The following DCAF8L2 variants were observed in gnomAD, a reference collection of about 807,000 sequenced individuals.
DCAF8L2 encodes DDB1- and CUL4-associated factor 8-like protein 2.
For synonymous variants in DCAF8L2, 200 were observed against 190.9 expected (o/e 1.05, Z -0.39); for missense variants, 430 against 490.7 (o/e 0.88, Z 1.17).
intron 3 of DCAF8L2, among the ~76,000 whole-genome samples, chrX:27,706,783 G>A (rs752342763): frequency 9.0e-6 from 1 of 111,532 alleles, no homozygotes; most frequent in East Asian, 2.8e-4. Flanking sequence ...CCTTATTTAT[G>A]TATCCAAGAA....
At chrX:27,523,335 T>C in the DCAF8L2 span, among the ~76,000 whole-genome samples, 8 of 110,742 alleles carry the variant, frequency 7.2e-5, no homozygotes, top group African/African-American at 2.6e-4. Flanking sequence ...TGCTTACAAA[T>C]TAATATACAA....
chrX:27,728,372 T>C (rs187216904), intron 4 of DCAF8L2, among the ~76,000 whole-genome samples: 30 of 111,098 alleles, frequency 2.7e-4, no homozygotes, highest in Non-Finnish European at 5.1e-4. Context: ...GCTTGGAATC[T>C]CCTTTGGACC....
At chrX:27,737,632 C>T (rs542447334) in intron 4 of DCAF8L2, among the ~76,000 whole-genome samples, 1 of 111,392 alleles carries the variant, frequency 9.0e-6, no homozygotes, top group African/African-American at 3.3e-5. Flanking sequence ...TTTCACAGGA[C>T]CCTCTGTTAA....
intron 1 of DCAF8L2, among the ~76,000 whole-genome samples, chrX:27,631,016 A>G (rs1928264651): frequency 9.0e-6 from 1 of 111,672 alleles, no homozygotes; most frequent in African/African-American, 3.3e-5. Context: ...AGGTTCCAAC[A>G]TATGAAATTT....
At chrX:27,626,232 C>T (rs1013515713) in intron 1 of DCAF8L2, among the ~76,000 whole-genome samples, 2 of 111,083 alleles carry the variant, frequency 1.8e-5, no homozygotes, top group African/African-American at 3.3e-5. Flanking sequence ...AGCTGCAAGA[C>T]GGGAGCTGGG....
At chrX:27,592,417 G>GTTTTTTTTTTTTTTTTGT (rs1248208449) in intron 1 of DCAF8L2, among the ~76,000 whole-genome samples, 1 of 83,948 alleles carries the variant, frequency 1.2e-5, no homozygotes, top group Non-Finnish European at 2.2e-5. Flanking sequence ...GTTTGTTTTT[G>GTTTTTTTTTTTTTTTTGT]TTTTTTTTTT....
chrX:27,546,649 C>T, the DCAF8L2 span, among the ~76,000 whole-genome samples: 1 of 112,356 alleles, frequency 8.9e-6, no homozygotes, highest in Admixed American at 9.4e-5. Context: ...GACTTTTGTG[C>T]ACCCACAGGC....
chrX:27,664,031 C>A (rs67580720), intron 2 of DCAF8L2, among the ~76,000 whole-genome samples: 1 of 108,567 alleles, frequency 9.2e-6, no homozygotes, highest in African/African-American at 3.4e-5. Context: ...AATTGATAAC[C>A]CTACAATGGC....
chrX:27,518,780 A>G, the DCAF8L2 span: 1 of 360,401 alleles, frequency 2.8e-6, no homozygotes, highest in Non-Finnish European at 5.0e-6. Flanking sequence ...TATAAGAATA[A>G]AAATAAAAAG....
chrX:27,669,103 C>A (rs1929850549), intron 2 of DCAF8L2, among the ~76,000 whole-genome samples: 2 of 111,163 alleles, frequency 1.8e-5, no homozygotes, highest in Non-Finnish European at 3.8e-5. Context: ...CCCAATTTTA[C>A]AAAACAAGAT....
At chrX:27,526,588 G>C in the DCAF8L2 span, among the ~76,000 whole-genome samples, 1 of 112,463 alleles carries the variant, frequency 8.9e-6, no homozygotes, top group East Asian at 2.8e-4. Context: ...TCCTTTGGAG[G>C]GGGAGAGGTG....
Position 27,747,318 on chromosome X carries a change from GGAGGAGGAGGAA to G in DCAF8L2, c.426_437del (p.Glu144_Glu147del), listed in dbSNP as rs774990492. ...AGGAGGAGGAGGAGGAGGAGGAGGA[GGAGGAGGAGGAA>G]GAAGAACAGCCTCGGGCGGGTCCAC... On this transcript the variant is annotated inframe_deletion, in exon 5 of 5. Coordinates refer to ENST00000451261, the MANE Select transcript of DCAF8L2 (RefSeq NM_001353450.2). 188 of 1,101,765 alleles carry G rather than the reference GGAGGAGGAGGAA, an allele frequency of 1.7e-4. No homozygotes were observed. Among genetic ancestry groups the G allele is most frequent in the African/African-American group, 1.6e-3 (81 of 50,317 alleles). 90.8% of individuals were successfully genotyped at this position (1,101,765 alleles called of 1,213,427 possible).
intron 1 of DCAF8L2, among the ~76,000 whole-genome samples, chrX:27,622,229 C>T (rs1397382579): frequency 3.7e-5 from 4 of 106,899 alleles, no homozygotes; most frequent in Non-Finnish European, 7.6e-5. Flanking sequence ...TCGAGACCAT[C>T]CTGGCTAACA....
intron 2 of DCAF8L2, among the ~76,000 whole-genome samples, chrX:27,655,610 T>C (rs763171788): frequency 6.2e-5 from 7 of 112,014 alleles, no homozygotes; most frequent in Non-Finnish European, 1.3e-4. Context: ...AAACTATTAT[T>C]ATTATTATTT....
intron 3 of DCAF8L2, among the ~76,000 whole-genome samples, chrX:27,680,418 T>C (rs771559307): frequency 8.9e-6 from 1 of 112,437 alleles, no homozygotes; most frequent in South Asian, 3.7e-4. Flanking sequence ...TGAATGTGTA[T>C]GAGAAAAACC....
At chrX:27,665,747 G>C (rs1929717546) in intron 2 of DCAF8L2, among the ~76,000 whole-genome samples, 1 of 111,658 alleles carries the variant, frequency 9.0e-6, no homozygotes, top group African/African-American at 3.3e-5. Flanking sequence ...CAGTATCAAG[G>C]CAAGACCCTC....
upstream of DCAF8L2, among the ~76,000 whole-genome samples, chrX:27,587,985 A>ATATATAT (rs1555915915): frequency 8.9e-5 from 2 of 22,365 alleles, no homozygotes; most frequent in Non-Finnish European, 2.3e-4. Flanking sequence ...TAAAAAAAAA[A>ATATATAT]ATATATATAT....
At chrX:27,557,853 C>A in the DCAF8L2 span, among the ~76,000 whole-genome samples, 2 of 111,123 alleles carry the variant, frequency 1.8e-5, no homozygotes, top group Non-Finnish European at 3.8e-5. Flanking sequence ...CATACATATA[C>A]TTCTCTATGC....
the DCAF8L2 span, among the ~76,000 whole-genome samples, chrX:27,564,522 G>A: frequency 1.3e-5 from 1 of 76,321 alleles, no homozygotes; most frequent in Non-Finnish European, 2.5e-5. Flanking sequence ...TTACACACAC[G>A]TGCACGCACA....
Sources: gnomAD v4.1 joint callset for allele counts (sites outside exome capture counted in the v4.1 genomes callset) on GRCh38, gnomAD v4.1.1 for gene constraint, MANE v1.5 for transcripts, NCBI Gene and HGNC (gene_info 2026-07-23, HGNC 2026-07-21) for gene names.